SLC26A5: variants seen among roughly 807,000 people sequenced by gnomAD.
SLC26A5 encodes solute carrier family 26 member 5.
Under a neutral mutation model 81.0 loss-of-function variants are expected in SLC26A5, and 51 were observed. That is an observed-to-expected ratio of 0.63 (90% CI 0.50 to 0.80). The LOEUF is 0.80. Ranked by LOEUF, SLC26A5 falls within the 30% of genes least tolerant of loss-of-function variation. SLC26A5 has a pLI of 0.00. For synonymous variants in SLC26A5, 325 were observed against 332.8 expected (o/e 0.98, Z 0.25); for missense variants, 771 against 905.8 (o/e 0.85, Z 1.91).
At chr7:103,424,992 A>C (rs1296351387) in intron 2 of SLC26A5, among the ~76,000 whole-genome samples, 4 of 152,230 alleles carry the variant, frequency 2.6e-5, no homozygotes, top group Non-Finnish European at 4.4e-5. Flanking sequence ...TCAGGGCAAC[A>C]GAATGGTTTA....
At chr7:103,404,072 AC>A (rs1365171262) in intron 8 of SLC26A5, among the ~76,000 whole-genome samples, 2 of 152,066 alleles carry the variant, frequency 1.3e-5, no homozygotes, top group Admixed American at 6.6e-5. Flanking sequence ...AATCCCAGCT[AC>A]TCAGGAGGCT....
At chr7:103,393,953 A>G (rs1471476490) in intron 9 of SLC26A5, among the ~76,000 whole-genome samples, 1 of 152,188 alleles carries the variant, frequency 6.6e-6, no homozygotes, top group Non-Finnish European at 1.5e-5. Flanking sequence ...GCCAGGTTCT[A>G]TGCTCATTTA....
chr7:103,386,521 C>A (rs1051586196), intron 14 of SLC26A5, among the ~76,000 whole-genome samples: 2 of 151,798 alleles, frequency 1.3e-5, no homozygotes, highest in Admixed American at 1.3e-4. Flanking sequence ...CGAGATCATG[C>A]CACTGCACTC....
intron 2 of SLC26A5, among the ~76,000 whole-genome samples, chr7:103,434,840 C>T (rs972986004): frequency 7.2e-5 from 11 of 152,026 alleles, no homozygotes; most frequent in South Asian, 2.1e-4. Context: ...TTAGTAAAGA[C>T]GGGGTTTCAC....
At chr7:103,364,727 A>AT (rs1820600406) in intron 19 of SLC26A5, among the ~76,000 whole-genome samples, 1 of 151,932 alleles carries the variant, frequency 6.6e-6, no homozygotes, top group East Asian at 1.9e-4. Context: ...AAATTTCTTG[A>AT]TTGTAATTAG....
rs1270676871 is a variant in SLC26A5, at chr7:103,368,000, CATT to C, written c.2041+8805_2041+8807del. On this transcript the variant is annotated intron_variant, in intron 19 of 19. Coordinates refer to the SLC26A5 transcript ENST00000339444. This position sits in a 1 kb window ranked among gnomAD's most constrained non-coding sequence, Gnocchi z 6.1. ...ATTTCTTGGAAGCTGTAAATAAGGT[CATT>C]AAGTCTTATGCCAAATTCAGTGCTA... 1 of 1,613,938 alleles carries C rather than the reference CATT, an allele frequency of 6.2e-7. No homozygotes were observed. Among genetic ancestry groups the C allele is most frequent in the Non-Finnish European group, 8.5e-7 (1 of 1,179,962 alleles).
chr7:103,408,864 T>C (rs562564354), intron 7 of SLC26A5, among the ~76,000 whole-genome samples: 1 of 152,328 alleles, frequency 6.6e-6, no homozygotes, highest in African/African-American at 2.4e-5. Flanking sequence ...TAAAGTAGAC[T>C]TCCCACTCAG....
chr7:103,434,480 G>T (rs1826303915), intron 2 of SLC26A5, among the ~76,000 whole-genome samples: 1 of 151,842 alleles, frequency 6.6e-6, no homozygotes, highest in Admixed American at 6.6e-5. Context: ...TCAACTACAG[G>T]AACTTTTTTT....
At chr7:103,357,537 AT>A (rs1348310737) in intron 19 of SLC26A5, among the ~76,000 whole-genome samples, 1 of 152,078 alleles carries the variant, frequency 6.6e-6, no homozygotes, top group Admixed American at 6.6e-5. Flanking sequence ...TTGGCTTTCC[AT>A]CATGGAAGAT....
intron 2 of SLC26A5, among the ~76,000 whole-genome samples, chr7:103,441,838 G>A (rs568125726): frequency 6.6e-6 from 1 of 152,162 alleles, no homozygotes; most frequent in Non-Finnish European, 1.5e-5. Context: ...AGGTGAGCAG[G>A]CACAGCAGCT....
At chr7:103,380,871 AC>A (rs1342337008) in intron 14 of SLC26A5, among the ~76,000 whole-genome samples, 11 of 151,692 alleles carry the variant, frequency 7.3e-5, no homozygotes. Flanking sequence ...ACACACATAC[AC>A]AATATACATA....
At chr7:103,414,950 C>A (rs1824791622) in intron 4 of SLC26A5, among the ~76,000 whole-genome samples, 1 of 152,110 alleles carries the variant, frequency 6.6e-6, no homozygotes, top group South Asian at 2.1e-4. Flanking sequence ...TCTCCTCGTT[C>A]CCTCATATAT....
intron 2 of SLC26A5, among the ~76,000 whole-genome samples, chr7:103,422,604 A>T (rs1205451198): frequency 1.3e-5 from 2 of 152,216 alleles, no homozygotes; most frequent in Admixed American, 1.3e-4. Context: ...CTAAGAAGGG[A>T]TAGTAGAGGG....
At chr7:103,431,014 C>T (rs1826042931) in intron 2 of SLC26A5, among the ~76,000 whole-genome samples, 1 of 152,172 alleles carries the variant, frequency 6.6e-6, no homozygotes, top group South Asian at 2.1e-4. Context: ...GATTTATTTT[C>T]CAGCCAGAAA....
At chr7:103,439,286 G>A (rs1236687803) in intron 2 of SLC26A5, among the ~76,000 whole-genome samples, 1 of 152,130 alleles carries the variant, frequency 6.6e-6, no homozygotes, top group Non-Finnish European at 1.5e-5. Context: ...AAACTGGGGG[G>A]ACTATCCAGG....
intron 4 of SLC26A5, among the ~76,000 whole-genome samples, chr7:103,418,046 T>A (rs1194622838): frequency 6.6e-6 from 1 of 152,140 alleles, no homozygotes; most frequent in African/African-American, 2.4e-5. Context: ...AGCCCTGTCA[T>A]CTTTATTATG....
intron 9 of SLC26A5, among the ~76,000 whole-genome samples, chr7:103,395,579 C>T (rs1823045268): frequency 6.9e-6 from 1 of 144,148 alleles, no homozygotes. Context: ...GCTAGAATGC[C>T]ATGGCGTGAT....
chr7:103,395,503 A>G (rs12538234), intron 9 of SLC26A5, among the ~76,000 whole-genome samples: 19,846 of 108,590 alleles, frequency 0.18, 1,458 homozygotes, highest in East Asian at 0.3. Context: ...ATATGTATGT[A>G]TATATATATA....
At position 103,401,161 on chromosome 7, in the gene SLC26A5, A is replaced by G. The variant is rs191837181; in HGVS notation, c.889-3147T>C. Among the ~76,000 whole-genome samples the G allele has an allele frequency of 5.4e-3, 821 of 152,344 alleles. 5 individuals are homozygous for G. The highest frequency in any genetic ancestry group is 0.027 in the Middle Eastern group (8 of 294). On this transcript the variant is annotated intron_variant, in intron 8 of 19. Transcript: ENST00000306312. ...ATAAATTCTATAAATTACTTTGGGC[A>G]GTATGACCATTTTCACGATTTTGAT... is the stretch of plus-strand genomic sequence containing the variant.
Sources: gnomAD v4.1 joint callset for allele counts (sites outside exome capture counted in the v4.1 genomes callset) on GRCh38, gnomAD v4.1.1 for gene constraint, Gnocchi (gnomAD v3.1) non-coding constraint, MANE v1.5 for transcripts, NCBI Gene and HGNC (gene_info 2026-07-23, HGNC 2026-07-21) for gene names.